SCN2A: variants seen among roughly 807,000 people sequenced by gnomAD.
SCN2A encodes the protein sodium channel protein type 2 subunit alpha.
In SCN2A, 20 loss-of-function variants were observed where a neutral mutation model predicts 188.7. The observed-to-expected ratio is 0.11, with a 90% CI of 0.07 to 0.15. The LOEUF (loss-of-function observed/expected upper bound fraction) is 0.15, where lower values mean the gene tolerates loss of function less well. Among genes scored for constraint, SCN2A ranks in the 10% least tolerant of loss-of-function variants. The pLI is 1.00. For missense variants in SCN2A, 1,278 were observed against 2,445.0 expected, an observed-to-expected ratio of 0.52 and a Z score of 10.07; for synonymous variants, 804 against 833.1, an observed-to-expected ratio of 0.97 and a Z score of 0.60.
At chr2:165,283,479 C>T (rs966242582) in intron 1 of SCN2A, among the ~76,000 whole-genome samples, 4 of 152,214 alleles carry the variant, frequency 2.6e-5, no homozygotes, top group African/African-American at 9.7e-5. Context: ...GCTCATCCTC[C>T]ATGCCTGGGA....
intron 14 of SCN2A, among the ~76,000 whole-genome samples, chr2:165,333,149 T>G (rs1005025260): frequency 6.6e-5 from 10 of 152,024 alleles, no homozygotes; most frequent in Admixed American, 3.3e-4. Flanking sequence ...CAGAATCATA[T>G]CTTATCACTG....
chr2:165,381,848 C>T (rs1017186050), intron 25 of SCN2A, among the ~76,000 whole-genome samples: 19 of 151,972 alleles, frequency 1.3e-4, no homozygotes, highest in Admixed American at 7.2e-4. Context: ...GTTTTTCTAT[C>T]ACTCCTGAAG....
chr2:165,323,504 A>T lies in SCN2A; in HGVS notation c.2016+4A>T. Reference sequence around the variant, plus strand: ...TGCTGGGCAGCTCCTACCAGAGGTGAGGCCAATTAAAATTGCAGCTGATGT... The same window carrying T: ...TGCTGGGCAGCTCCTACCAGAGGTGTGGCCAATTAAAATTGCAGCTGATGT... On this transcript the variant is annotated splice_donor_region_variant and intron_variant, in intron 12 of 26. Transcript: ENST00000375437. The T allele has an allele frequency of 1.2e-6, 2 of 1,608,014 alleles. No homozygotes were observed. The highest frequency in any genetic ancestry group is 1.7e-6 in the Non-Finnish European group (2 of 1,176,964).
Position 165,258,979 on chromosome 2 carries a change from T to C in SCN2A, c.-52+19339T>C, listed in dbSNP as rs186211927. On this transcript the variant is annotated intron_variant, in intron 1 of 26. Coordinates refer to ENST00000375437, the MANE Select transcript of SCN2A (RefSeq NM_001040142.2). ...GAAGAGGATCACAGAAAAGTGCTTA[T>C]TGGGTACTAAGCTTATTGCCTGGAT... Among the ~76,000 whole-genome samples, 273 of 152,314 alleles carry C rather than the reference T, an allele frequency of 1.8e-3. 1 individual carries two copies. The highest frequency in any genetic ancestry group is 6.4e-3 in the African/African-American group (264 of 41,566).
rs763145992 is a variant in SCN2A, at chr2:165,314,015, A to G, written c.1290A>G (p.Glu430=). 6.2e-7 allele frequency: 1 copy of G among 1,613,860 alleles called. No homozygotes were observed. Among genetic ancestry groups the G allele is most frequent in the Non-Finnish European group, 8.5e-7 (1 of 1,179,788 alleles). The change falls in exon 10 of 27, where the codon GAA becomes GAG. Residue 430 remains glutamate, a synonymous_variant. Transcript: ENST00000375437. ...CTGTGGTGGCCATGGCCTATGAGGA[A>G]CAGAATCAGGCCACATTGGAAGAGG... ...ILAVVAMAYE[E]QNQATLEEAE... is the part of the protein sequence containing the mutation.
chr2:165,327,359 T>C (rs957629560), intron 13 of SCN2A: 1 of 206,526 alleles, frequency 4.8e-6, no homozygotes, highest in Non-Finnish European at 9.9e-6. Context: ...TAAAATCCTA[T>C]GACTTAACCA....
At chr2:165,324,067 T>C (rs1300113160) in intron 12 of SCN2A, among the ~76,000 whole-genome samples, 1 of 152,234 alleles carries the variant, frequency 6.6e-6, no homozygotes, top group African/African-American at 2.4e-5. Flanking sequence ...TTTGGAATCA[T>C]GGGCTGTCAT....
At chr2:165,326,427 AAGG>A (rs1320888138) in intron 12 of SCN2A, among the ~76,000 whole-genome samples, 3 of 152,238 alleles carry the variant, frequency 2.0e-5, no homozygotes, top group Non-Finnish European at 4.4e-5. Flanking sequence ...GATGCATATG[AAGG>A]AGACTTTCAA....
chr2:165,338,139 A>G (rs998605624), intron 14 of SCN2A, among the ~76,000 whole-genome samples: 1 of 152,200 alleles, frequency 6.6e-6, no homozygotes, highest in Non-Finnish European at 1.5e-5. Flanking sequence ...GTTCCCACTT[A>G]TAAGTGAGAA....
chr2:165,360,544 CA>C (rs1198468294), intron 17 of SCN2A, among the ~76,000 whole-genome samples: 1 of 151,794 alleles, frequency 6.6e-6, no homozygotes, highest in East Asian at 1.9e-4. Context: ...AGGTATCCAC[CA>C]AAAACATTGT....
intron 16 of SCN2A, among the ~76,000 whole-genome samples, chr2:165,346,460 A>G (rs772607473): frequency 6.6e-6 from 1 of 152,172 alleles, no homozygotes; most frequent in African/African-American, 2.4e-5. Flanking sequence ...TTAACTCAAC[A>G]TGGATTAAAG....
intron 1 of SCN2A, among the ~76,000 whole-genome samples, chr2:165,258,577 A>C (rs1353927803): frequency 1.3e-5 from 2 of 152,230 alleles, no homozygotes; most frequent in African/African-American, 4.8e-5. Context: ...GCAACCCCAT[A>C]ATTGGGTATG....
intron 3 of SCN2A, among the ~76,000 whole-genome samples, chr2:165,306,368 C>T (rs1213802679): frequency 6.6e-6 from 1 of 152,016 alleles, no homozygotes; most frequent in Non-Finnish European, 1.5e-5. Context: ...TTATTTTTCC[C>T]CAATAGGGCT....
At chr2:165,341,419 G>A (rs945120443) in intron 14 of SCN2A, among the ~76,000 whole-genome samples, 1 of 152,188 alleles carries the variant, frequency 6.6e-6, no homozygotes, top group African/African-American at 2.4e-5. Context: ...TTAAGGGAGA[G>A]AAGGACTCGG....
In SCN2A at chr2:165,312,030, T is replaced by C; in HGVS notation, c.976T>C (p.Phe326Leu). Residue 326 changes from phenylalanine to leucine, a missense_variant, in exon 8 of 27, where the codon TTT (phenylalanine) becomes CTT (leucine). Phe to Leu is a conservative substitution (Grantham distance 22). Coordinates refer to ENST00000375437, the MANE Select transcript of SCN2A (RefSeq NM_001040142.2). ...ATTCCTTTCTCTTTAAATAGGTCAC[T>C]TTTATTTTTTAGAGGGGCAAAATGA... Reference protein sequence around the residue: ...WDEYIEDKSHFYFLEGQNDAL... With the variant: ...WDEYIEDKSHLYFLEGQNDAL... 1 of 1,610,672 alleles carries C rather than the reference T, an allele frequency of 6.2e-7. No homozygotes were observed. Among genetic ancestry groups the C allele is most frequent in the South Asian group, 1.1e-5 (1 of 90,982 alleles).
At chr2:165,366,666 C>T (rs1268213966) in intron 18 of SCN2A, among the ~76,000 whole-genome samples, 1 of 138,020 alleles carries the variant, frequency 7.2e-6, no homozygotes, top group African/African-American at 2.8e-5. Context: ...GTGCATGAGC[C>T]GAGGTCAGGC....
intron 1 of SCN2A, among the ~76,000 whole-genome samples, chr2:165,291,488 T>C (rs1696157483): frequency 1.8e-5 from 1 of 56,958 alleles, no homozygotes. Flanking sequence ...CTTTCTTTCT[T>C]TCTTTTCTTT....
intron 3 of SCN2A, among the ~76,000 whole-genome samples, chr2:165,304,443 T>C (rs1462869782): frequency 6.6e-6 from 1 of 152,188 alleles, no homozygotes; most frequent in Non-Finnish European, 1.5e-5. Context: ...AAATAATTTA[T>C]CAGAAATTGT....
chr2:165,291,496 T>TTTCTTTCTTTCTTTCTTTCCG (rs1696168046), intron 1 of SCN2A, among the ~76,000 whole-genome samples: 7 of 26,078 alleles, frequency 2.7e-4, no homozygotes, highest in Non-Finnish European at 5.4e-4. Context: ...CTTTCTTTTC[T>TTTCTTTCTTTCTTTCTTTCCG]TTCTTTCTTT....
Sources: gnomAD v4.1 joint callset for allele counts (sites outside exome capture counted in the v4.1 genomes callset) on GRCh38, gnomAD v4.1.1 for gene constraint, MANE v1.5 for transcripts, NCBI Gene and HGNC (gene_info 2026-07-23, HGNC 2026-07-21) for gene names.